The following NIPBL variants were observed in gnomAD, a reference collection of about 807,000 sequenced individuals.
The protein encoded by NIPBL is nipped-B-like protein.
Under a neutral mutation model 321.8 loss-of-function variants are expected in NIPBL, and 19 were observed. The ratio of observed to expected loss-of-function variants is 0.06; its 90% confidence interval spans 0.04 to 0.09. The LOEUF (loss-of-function observed/expected upper bound fraction) is 0.09, where lower values mean the gene tolerates loss of function less well. Among genes scored for constraint, NIPBL ranks in the 10% least tolerant of loss-of-function variants. NIPBL has a pLI of 1.00. For missense variants in NIPBL, 2,210 were observed against 3,327.0 expected, an observed-to-expected ratio of 0.66 and a Z score of 8.26; for synonymous variants, 1,106 against 1,114.1, an observed-to-expected ratio of 0.99 and a Z score of 0.14.
intron 33 of NIPBL, among the ~76,000 whole-genome samples, chr5:37,037,683 C>A (rs546926140): frequency 1.4e-5 from 2 of 145,918 alleles, no homozygotes; most frequent in South Asian, 4.3e-4. Flanking sequence ...CTCCTTGTTC[C>A]GTTTTTTTAT....
rs1012271174 is a variant in NIPBL at position 36,877,005 on chromosome 5, G to A, written c.-253G>A. On this transcript the variant is annotated 5_prime_UTR_variant, in exon 1 of 47. Transcript: ENST00000282516. The stretch of plus-strand genomic sequence containing the variant: ...TTCTATGTGGGAGAAGGAGGAGGAG[G>A]AGGAAGAAGAAGCAACGATTTGTCT... 5.9e-5 allele frequency: 23 copies of A among 386,762 alleles called. No homozygotes were observed. Among genetic ancestry groups the A allele is most frequent in the African/African-American group, 4.8e-4 (23 of 48,074 alleles). 24.0% of individuals were successfully genotyped at this position (386,762 alleles called of 1,614,324 possible).
intron 1 of NIPBL, among the ~76,000 whole-genome samples, chr5:36,936,167 T>A (rs777834425): frequency 6.6e-6 from 1 of 152,170 alleles, no homozygotes; most frequent in South Asian, 2.1e-4. Context: ...TTATTTGATA[T>A]ATAGTTGGGT....
At chr5:36,961,666 A>T in intron 5 of NIPBL, 83 bp downstream of exon 5, 1 of 912,160 alleles carries the variant, frequency 1.1e-6, no homozygotes, top group Non-Finnish European at 1.8e-6. Context: ...CATTTAGGTA[A>T]TGGTGGATTA....
chr5:37,008,086 G>C lies in NIPBL; in HGVS notation c.4318G>C (p.Ala1440Pro). 1 of 1,583,616 alleles carries C rather than the reference G, an allele frequency of 6.3e-7. No individual in the cohort carries two copies. Among genetic ancestry groups the C allele is most frequent in the Non-Finnish European group, 8.7e-7 (1 of 1,152,538 alleles). ...GTTGTGTGCCATTAAGTTAGTCACT[G>C]CAGTAAGTATAATCAATTTGTATTT... ...LQLCAIKLVT[A>P]VFSRYEKHRQ... Residue 1440 changes from alanine (A) to proline (P), a missense_variant and splice_region_variant, in exon 19 of 47, where the codon GCA (alanine) becomes CCA (proline). Coordinates refer to ENST00000282516, the MANE Select transcript of NIPBL (RefSeq NM_133433.4).
At position 37,017,167 on chromosome 5, in the gene NIPBL, T is replaced by G; in HGVS notation, c.4920+5T>G. ...ATAGAACGCATTTTAAAACAGGTAC[T>G]AAGATAAAAGATTAAAATTATGGGA... On this transcript the variant is annotated splice_donor_5th_base_variant and intron_variant, in intron 24 of 46. Transcript: ENST00000282516. The G allele has an allele frequency of 6.2e-7, 1 of 1,607,142 alleles. No homozygotes were observed. Among genetic ancestry groups the G allele is most frequent in the Non-Finnish European group, 8.5e-7 (1 of 1,174,504 alleles).
Position 36,955,464 on chromosome 5 carries a change from C to T in NIPBL, c.65-8C>T. The T allele has an allele frequency of 6.2e-7, 1 of 1,611,260 alleles. No individual in the cohort carries two copies. The highest frequency in any genetic ancestry group is 8.5e-7 in the Non-Finnish European group (1 of 1,177,584). ...CAATTTCTAATAATCTGATTTTATT[C>T]CAAATAGTCCTGAACCAGCTGCCTC... On this transcript the variant is annotated splice_region_variant and splice_polypyrimidine_tract_variant and intron_variant, in intron 2 of 46. Coordinates refer to ENST00000282516, the MANE Select transcript of NIPBL (RefSeq NM_133433.4).
At chr5:37,059,272 T>C (rs1754412523) in intron 44 of NIPBL, 107 bp downstream of exon 44, 2 of 1,211,334 alleles carry the variant, frequency 1.7e-6, no homozygotes, top group African/African-American at 3.0e-5. Context: ...TTTGGGAGGC[T>C]GAGGCGGGCA....
intron 1 of NIPBL, among the ~76,000 whole-genome samples, chr5:36,924,724 A>G (rs1446208331): frequency 6.6e-6 from 1 of 152,232 alleles, no homozygotes; most frequent in Non-Finnish European, 1.5e-5. Flanking sequence ...GTTATTATCA[A>G]CAGTGACAGA....
Position 36,888,092 on chromosome 5 carries a change from AGG to A in NIPBL, c.-80+10915_-80+10916del, listed in dbSNP as rs1309809882. On this transcript the variant is annotated intron_variant, in intron 1 of 46. Transcript: ENST00000282516. The stretch of plus-strand genomic sequence containing the variant: ...TTCCCCAATGTTTTGATTCTGTGAG[AGG>A]TCCTGAACATACAGTTTTCTCAGAT... 7.9e-5 allele frequency among the ~76,000 whole-genome samples: 12 copies of A among 152,254 alleles called. No homozygotes were observed. In the South Asian group the frequency reaches 2.1e-3, roughly 26 times the overall value.
At chr5:36,991,665 A>C (rs1258170119) in intron 10 of NIPBL, among the ~76,000 whole-genome samples, 2 of 151,758 alleles carry the variant, frequency 1.3e-5, no homozygotes, top group African/African-American at 4.8e-5. Context: ...TTGAAGTTGA[A>C]GATCCATTTG....
intron 2 of NIPBL, 144 bp downstream of exon 2, chr5:36,953,904 AT>A (rs1434302807): frequency 4.7e-5 from 32 of 685,466 alleles, no homozygotes; most frequent in African/African-American, 1.4e-4. Flanking sequence ...GAAAAAAAAA[AT>A]TGATAGCCTA....
chr5:37,018,068 T>C (rs1180234148), intron 24 of NIPBL, among the ~76,000 whole-genome samples: 1 of 152,090 alleles, frequency 6.6e-6, no homozygotes, highest in Non-Finnish European at 1.5e-5. Context: ...AACACCAACA[T>C]TGAAATCATC....
chr5:36,951,009 C>G (rs1283126612), intron 1 of NIPBL, among the ~76,000 whole-genome samples: 1 of 152,102 alleles, frequency 6.6e-6, no homozygotes, highest in Admixed American at 6.5e-5. Context: ...TGGAATTAGC[C>G]ATAGTTCAGC....
chr5:36,957,746 G>A (rs993296383), intron 3 of NIPBL, among the ~76,000 whole-genome samples: 1 of 151,956 alleles, frequency 6.6e-6, no homozygotes, highest in African/African-American at 2.4e-5. Flanking sequence ...ACTTTGGGAG[G>A]CCGAGGCGGG....
intron 1 of NIPBL, among the ~76,000 whole-genome samples, chr5:36,883,877 C>T (rs895378594): frequency 6.6e-6 from 1 of 151,208 alleles, no homozygotes; most frequent in East Asian, 1.9e-4. Context: ...TTGGGCATAA[C>T]TCCATTTATT....
intron 1 of NIPBL, among the ~76,000 whole-genome samples, chr5:36,903,579 G>C (rs1426046939): frequency 6.6e-6 from 1 of 152,176 alleles, no homozygotes; most frequent in Non-Finnish European, 1.5e-5. Flanking sequence ...TCAGTCTCAA[G>C]TATGATTTCT....
intron 21 of NIPBL, among the ~76,000 whole-genome samples, chr5:37,011,437 C>T (rs1748109211): frequency 1.3e-5 from 2 of 152,098 alleles, no homozygotes; most frequent in South Asian, 4.1e-4. Context: ...CACCTGTCAT[C>T]CCAGCTACTC....
chr5:36,935,331 T>G (rs1219476303), intron 1 of NIPBL, among the ~76,000 whole-genome samples: 2 of 152,142 alleles, frequency 1.3e-5, no homozygotes, highest in East Asian at 3.9e-4. Context: ...CACAAGTACC[T>G]GACATCACAT....
rs1755213640 is a variant in NIPBL, at chr5:37,064,690, A to G, written c.8213A>G (p.Gln2738Arg). The change falls in exon 47 of 47, where the codon CAG becomes CGG. Residue 2738 changes from glutamine (Q) to arginine (R), a missense_variant. Gln to Arg is a conservative substitution (Grantham distance 43). Transcript: ENST00000282516. ...AAAACCAGCAGTGGCTTCAGTGTTCAGTGGATGGCAGGCTCCTACAGTGGC... is the reference window on the plus strand; with the variant it reads ...AAAACCAGCAGTGGCTTCAGTGTTCGGTGGATGGCAGGCTCCTACAGTGGC... Reference protein sequence around the residue: ...VQKTSSGFSVQWMAGSYSGSW... With the variant: ...VQKTSSGFSVRWMAGSYSGSW... The G allele has an allele frequency of 6.2e-7, 1 of 1,614,232 alleles. No homozygotes were observed. Among genetic ancestry groups the G allele is most frequent in the Non-Finnish European group, 8.5e-7 (1 of 1,180,038 alleles).
Sources: allele counts gnomAD v4.1 joint callset (sites outside exome capture counted in the v4.1 genomes callset), GRCh38; gene constraint gnomAD v4.1.1; transcripts MANE v1.5; gene names NCBI Gene and HGNC (gene_info 2026-07-23, HGNC 2026-07-21).